The following UNC13A variants were observed in gnomAD, a reference collection of about 807,000 sequenced individuals.
The protein encoded by UNC13A is unc-13 homolog A.
UNC13A carries 61 observed loss-of-function variants against 219.7 expected under a neutral mutation model. The observed-to-expected ratio is 0.28, with a 90% CI of 0.23 to 0.34. The LOEUF (loss-of-function observed/expected upper bound fraction) is 0.34, where lower values mean the gene tolerates loss of function less well. Among genes scored for constraint, UNC13A ranks in the 10% least tolerant of loss-of-function variants. The pLI, the probability that UNC13A is intolerant of heterozygous loss-of-function variation, is 1.00. For synonymous variants in UNC13A, 920 were observed against 884.6 expected, an observed-to-expected ratio of 1.04 and a Z score of -0.71; for missense variants, 1,476 against 2,270.3, an observed-to-expected ratio of 0.65 and a Z score of 7.11.
At chr19:17,628,744 A>G (rs1346743581) in intron 31 of UNC13A, among the ~76,000 whole-genome samples, 2 of 152,110 alleles carry the variant, frequency 1.3e-5, no homozygotes, top group Admixed American at 1.3e-4. Context: ...ACACACACAG[A>G]TACACACATT....
chr19:17,666,917 AG>A (rs869234327), intron 6 of UNC13A, among the ~76,000 whole-genome samples: 5 of 25,048 alleles, frequency 2.0e-4, no homozygotes, highest in Non-Finnish European at 3.8e-4. Flanking sequence ...AGAGAAAGAC[AG>A]AGACAGAGAC....
chr19:17,673,557 G>A (rs2079836050), intron 3 of UNC13A, among the ~76,000 whole-genome samples: 1 of 150,610 alleles, frequency 6.6e-6, no homozygotes, highest in African/African-American at 2.4e-5. Context: ...GCCGGGCATG[G>A]TGGCACGCAC....
At chr19:17,621,897 C>A (rs1568505926) in intron 36 of UNC13A, 27 bp from the exon 37 acceptor site, 2 of 1,613,840 alleles carry the variant, frequency 1.2e-6, no homozygotes, top group Admixed American at 3.3e-5. Context: ...ACAGGGTGAT[C>A]AACCTGGCAA....
In UNC13A at chr19:17,649,711, C is replaced by G; in HGVS notation, c.1440-124G>C. 1.0e-6 allele frequency: 1 copy of G among 1,000,380 alleles called. No homozygotes were observed. Among genetic ancestry groups the G allele is most frequent in the Non-Finnish European group, 1.5e-6 (1 of 651,374 alleles). The allele number at this position is 1,000,380 out of a possible 1,614,324, so 62.0% of individuals were successfully genotyped here. ...AATTGGGTCCCTCAAAAAAAAGATA[C>G]GCTGATGCCCTAACCCCCACTACCT... On this transcript the variant is annotated intron_variant, in intron 12 of 43. Coordinates refer to ENST00000519716, the MANE Select transcript of UNC13A (RefSeq NM_001080421.3). The surrounding 1 kb of genome is among the most constrained non-coding windows in gnomAD (Gnocchi z 4.4).
chr19:17,615,992 A>T (rs995252088), intron 41 of UNC13A, among the ~76,000 whole-genome samples: 5 of 152,098 alleles, frequency 3.3e-5, no homozygotes, highest in Non-Finnish European at 5.9e-5. Context: ...TATCAATAAC[A>T]ATAATCCTAT....
chr19:17,682,998 GA>G (rs1245356904), intron 1 of UNC13A, among the ~76,000 whole-genome samples: 2 of 152,150 alleles, frequency 1.3e-5, no homozygotes, highest in African/African-American at 2.4e-5. Flanking sequence ...CCGGGAGGAG[GA>G]GGTTACAGTG....
chr19:17,650,480 T>G (rs1200101567), intron 12 of UNC13A, among the ~76,000 whole-genome samples: 12 of 152,016 alleles, frequency 7.9e-5, no homozygotes. Flanking sequence ...GCCACTGCAA[T>G]CCAGCCTGGG....
chr19:17,657,732 G>A (rs2079482361), intron 9 of UNC13A, among the ~76,000 whole-genome samples: 1 of 151,972 alleles, frequency 6.6e-6, no homozygotes, highest in Non-Finnish European at 1.5e-5. Flanking sequence ...AGCTTGGTGT[G>A]GCGGCCTGTG....
intron 43 of UNC13A, among the ~76,000 whole-genome samples, chr19:17,608,843 GT>G (rs2076569851): frequency 6.6e-6 from 1 of 151,864 alleles, no homozygotes; most frequent in Non-Finnish European, 1.5e-5. Flanking sequence ...TAGAGATGGA[GT>G]TTCACCATGT....
intron 4 of UNC13A, among the ~76,000 whole-genome samples, chr19:17,670,938 TAAAA>T (rs1290930086): frequency 1.3e-5 from 2 of 149,062 alleles, no homozygotes; most frequent in African/African-American, 2.5e-5. Context: ...TAAAATAAAA[TAAAA>T]TAAAATAAAA....
At chr19:17,644,368 A>G (rs1439872447) in intron 19 of UNC13A, among the ~76,000 whole-genome samples, 1 of 148,890 alleles carries the variant, frequency 6.7e-6, no homozygotes, top group Non-Finnish European at 1.5e-5. Flanking sequence ...TTTTTTTTTT[A>G]ATGGAGACAA....
intron 6 of UNC13A, among the ~76,000 whole-genome samples, 173 bp from the exon 7 acceptor site, chr19:17,666,877 CACACGAG>C (rs1568268119): frequency 1.1e-5 from 1 of 92,294 alleles, no homozygotes; most frequent in Non-Finnish European, 2.2e-5. Flanking sequence ...GACACACACA[CACACGAG>C]AGAGAGAGAG....
At chr19:17,640,761 C>T in intron 21 of UNC13A, 100 bp from the exon 22 acceptor site, 3 of 1,313,512 alleles carry the variant, frequency 2.3e-6, no homozygotes, top group Non-Finnish European at 3.0e-6. Flanking sequence ...GAGTGGGTCT[C>T]TGTCACCTCC....
intron 42 of UNC13A, among the ~76,000 whole-genome samples, chr19:17,610,516 CTG>C (rs2076591451): frequency 6.6e-6 from 1 of 152,130 alleles, no homozygotes; most frequent in African/African-American, 2.4e-5. Flanking sequence ...GCCAAAAACC[CTG>C]TCTGAAATAA....
chr19:17,676,072 G>C (rs1039106985), intron 1 of UNC13A, 31 bp from the exon 2 acceptor site: 2 of 1,551,414 alleles, frequency 1.3e-6, no homozygotes, highest in Admixed American at 3.9e-5. Flanking sequence ...AGGGAAGGGA[G>C]GTGGGGAGAG....
intron 41 of UNC13A, among the ~76,000 whole-genome samples, chr19:17,616,741 G>A (rs1374240409): frequency 2.0e-5 from 3 of 152,190 alleles, no homozygotes; most frequent in Non-Finnish European, 4.4e-5. Context: ...CAGCGCCCAC[G>A]GAGGGCCCTT....
At chr19:17,611,472 CT>C (rs777471810) in intron 42 of UNC13A, among the ~76,000 whole-genome samples, 2 of 152,234 alleles carry the variant, frequency 1.3e-5, no homozygotes, top group Admixed American at 6.5e-5. Flanking sequence ...GCCACCGTGC[CT>C]GGCCTAATTC....
At position 17,630,885 on chromosome 19, in the gene UNC13A, T is replaced by G. The variant is rs1599352401; in HGVS notation, c.3429-135A>C. On this transcript the variant is annotated intron_variant, in intron 28 of 43. Transcript: ENST00000519716. Reference sequence around the variant, plus strand: ...CTGGAGCTCTCCCTGCAGCCTTGAGTGGCTGCTCCTCTGCTCGCCTCCTGC... The same window carrying G: ...CTGGAGCTCTCCCTGCAGCCTTGAGGGGCTGCTCCTCTGCTCGCCTCCTGC... 2.1e-5 allele frequency: 15 copies of G among 721,626 alleles called. No individual in the cohort carries two copies. The East Asian group carries it at 4.1e-4, about 20-fold the overall frequency. The allele number at this position is 721,626 out of a possible 1,614,324, so 44.7% of individuals were successfully genotyped here.
chr19:17,640,911 C>G (rs2076962432), intron 21 of UNC13A, among the ~76,000 whole-genome samples: 1 of 146,752 alleles, frequency 6.8e-6, no homozygotes, highest in Non-Finnish European at 1.5e-5. Context: ...TGGAGTCTCA[C>G]TCTGTCACCC....
Sources: allele counts gnomAD v4.1 joint callset (sites outside exome capture counted in the v4.1 genomes callset), GRCh38; gene constraint gnomAD v4.1.1; non-coding constraint Gnocchi (gnomAD v3.1); transcripts MANE v1.5; gene names NCBI Gene and HGNC (gene_info 2026-07-23, HGNC 2026-07-21).